The following PON3 variants were observed in gnomAD, a reference collection of about 807,000 sequenced individuals.
PON3 encodes the protein paraoxonase 3, also known as serum paraoxonase/lactonase 3.
In PON3, 37 loss-of-function variants were observed where a neutral mutation model predicts 36.3. The observed-to-expected ratio is 1.02, with a 90% CI of 0.78 to 1.34. PON3 has a LOEUF of 1.34. Among genes scored for constraint, PON3 ranks in the 40% most tolerant of loss-of-function variants. PON3 has a pLI of 0.00. For synonymous variants in PON3, 155 were observed against 154.8 expected (o/e 1.00, Z -0.01); for missense variants, 415 against 426.5 (o/e 0.97, Z 0.24).
chr7:95,362,200 C>T (rs532230660), intron 8 of PON3, among the ~76,000 whole-genome samples, 162 bp downstream of exon 8: 25 of 152,298 alleles, frequency 1.6e-4, no homozygotes, highest in Non-Finnish European at 3.2e-4. Context: ...AAAGAGTTAA[C>T]GAACCTTATC....
chr7:95,360,996 A>G (rs961272861), intron 8 of PON3, among the ~76,000 whole-genome samples: 4 of 152,184 alleles, frequency 2.6e-5, no homozygotes, highest in Admixed American at 2.6e-4. Context: ...AAAATTTTAA[A>G]AATAATTCAA....
At chr7:95,383,581 C>T (rs1320728762) in intron 3 of PON3, among the ~76,000 whole-genome samples, 1 of 152,150 alleles carries the variant, frequency 6.6e-6, no homozygotes, top group Non-Finnish European at 1.5e-5. Context: ...AGAGCCAAAT[C>T]ATGAGTGAAC....
intron 5 of PON3, among the ~76,000 whole-genome samples, chr7:95,366,408 T>C (rs913658534): frequency 2.6e-5 from 4 of 152,192 alleles, no homozygotes; most frequent in Admixed American, 6.5e-5. Context: ...TCAACTTCTC[T>C]TACTTCTATG....
intron 3 of PON3, among the ~76,000 whole-genome samples, chr7:95,375,982 G>A (rs922408595): frequency 1.3e-5 from 2 of 152,118 alleles, no homozygotes; most frequent in African/African-American, 4.8e-5. Context: ...GTAAATATTC[G>A]AGGACTTGCA....
intron 3 of PON3, among the ~76,000 whole-genome samples, chr7:95,380,311 G>A (rs1372136222): frequency 2.0e-5 from 3 of 152,182 alleles, no homozygotes; most frequent in East Asian, 1.9e-4. Context: ...TCCTCCAAAC[G>A]AATGCAGCTC....
chr7:95,390,176 C>A lies in PON3; in HGVS notation c.179G>T (p.Ser60Ile). The change falls in exon 3 of 9, where the codon AGT (serine) becomes ATT (isoleucine). Residue 60 changes from serine to isoleucine, a missense_variant. Physicochemically the swap from Ser to Ile is moderately radical, Grantham distance 142. Coordinates refer to ENST00000265627, the MANE Select transcript of PON3 (RefSeq NM_000940.3). ...SGSEDIDILP[S>I]GLAFISSGLK... is the part of the protein sequence containing the mutation. ...CACACTGGAGATAAAAGCCAGCCCA[C>A]TAGGAAGTATATCAATATCTTCAGA... 6.2e-7 allele frequency: 1 copy of A among 1,612,022 alleles called. No homozygotes were observed.
intron 2 of PON3, among the ~76,000 whole-genome samples, chr7:95,391,123 C>T (rs1027599155): frequency 1.3e-5 from 2 of 152,202 alleles, no homozygotes; most frequent in African/African-American, 2.4e-5. Flanking sequence ...TCATCCCCTA[C>T]AGGCACTCTG....
At position 95,395,883 on chromosome 7, in the gene PON3, G is replaced by A. The variant is rs146346146; in HGVS notation, c.74+394C>T. ...GACCTGGGCAATGTCTCAGTCAGCC[G>A]TAAACATCCAACTGGTAGCCTGATC... On this transcript the variant is annotated intron_variant, in intron 1 of 8. Coordinates refer to ENST00000265627, the MANE Select transcript of PON3 (RefSeq NM_000940.3). The A allele has an allele frequency of 2.3e-3, 725 of 312,872 alleles. 7 individuals carry two copies. Among genetic ancestry groups the A allele is most frequent in the African/African-American group, 0.014 (668 of 46,326 alleles). 19.4% of individuals were successfully genotyped at this position (312,872 alleles called of 1,614,324 possible).
chr7:95,376,511 G>C (rs968800240), intron 3 of PON3, among the ~76,000 whole-genome samples: 4 of 152,044 alleles, frequency 2.6e-5, no homozygotes, highest in Non-Finnish European at 4.4e-5. Flanking sequence ...TATCCTATAA[G>C]TTGTTTGTTC....
intron 2 of PON3, among the ~76,000 whole-genome samples, chr7:95,392,577 A>T (rs2116425885): frequency 6.6e-6 from 1 of 152,238 alleles, no homozygotes; most frequent in East Asian, 1.9e-4. Flanking sequence ...AAATTAAATC[A>T]CTCTGATATC....
chr7:95,388,260 C>T (rs552396417), intron 3 of PON3, among the ~76,000 whole-genome samples: 1 of 152,090 alleles, frequency 6.6e-6, no homozygotes, highest in Admixed American at 6.5e-5. Context: ...AACAAAGAAC[C>T]CCGTCAAAAA....
intron 3 of PON3, among the ~76,000 whole-genome samples, chr7:95,374,628 T>C (rs1808875952): frequency 6.6e-6 from 1 of 152,140 alleles, no homozygotes; most frequent in Non-Finnish European, 1.5e-5. Context: ...CTGCTCCAAC[T>C]CTCAATTCCC....
intron 3 of PON3, among the ~76,000 whole-genome samples, chr7:95,373,861 G>A (rs902807465): frequency 7.2e-5 from 11 of 152,226 alleles, no homozygotes; most frequent in South Asian, 2.1e-4. Context: ...GTACCTGTCC[G>A]TAGCCTGTAA....
intron 3 of PON3, among the ~76,000 whole-genome samples, chr7:95,374,791 CA>C (rs927834689): frequency 3.5e-4 from 53 of 152,280 alleles, no homozygotes; most frequent in African/African-American, 1.3e-3. Flanking sequence ...TCTTTCTTAT[CA>C]AAACGTCAAA....
At chr7:95,368,723 T>C (rs1256107825) in intron 4 of PON3, among the ~76,000 whole-genome samples, 2 of 151,228 alleles carry the variant, frequency 1.3e-5, no homozygotes, top group Admixed American at 6.6e-5. Context: ...AGATAAGCTG[T>C]GAATCATAAT....
At chr7:95,364,169 GA>G in intron 5 of PON3, 106 bp from the exon 6 acceptor site, 1 of 905,926 alleles carries the variant, frequency 1.1e-6, no homozygotes, top group Non-Finnish European at 1.8e-6. Context: ...TCATCAATTT[GA>G]AAAAGGATAC....
chr7:95,367,971 T>C (rs1055489886), intron 4 of PON3, among the ~76,000 whole-genome samples: 1 of 152,154 alleles, frequency 6.6e-6, no homozygotes, highest in African/African-American at 2.4e-5. Context: ...ATTTCCCAGC[T>C]AGACAATGAA....
intron 4 of PON3, among the ~76,000 whole-genome samples, 153 bp downstream of exon 4, chr7:95,372,020 C>T (rs1431904988): frequency 6.6e-6 from 1 of 152,076 alleles, no homozygotes; most frequent in Admixed American, 6.6e-5. Flanking sequence ...GCAATGTTTA[C>T]AAGGTTTTAT....
intron 3 of PON3, among the ~76,000 whole-genome samples, chr7:95,385,787 G>A (rs1247332163): frequency 6.6e-6 from 1 of 151,774 alleles, no homozygotes; most frequent in Non-Finnish European, 1.5e-5. Flanking sequence ...CAACTACATG[G>A]AAACTGAACA....
Sources: gnomAD v4.1 joint callset for allele counts (sites outside exome capture counted in the v4.1 genomes callset) on GRCh38, gnomAD v4.1.1 for gene constraint, MANE v1.5 for transcripts, NCBI Gene and HGNC (gene_info 2026-07-23, HGNC 2026-07-21) for gene names.